Variants in FSD1L observed in about 807,000 individuals in gnomAD.
The protein encoded by FSD1L is FSD1-like protein.
FSD1L carries 45 observed loss-of-function variants against 71.6 expected under a neutral mutation model. The observed-to-expected ratio is 0.63, with a 90% CI of 0.49 to 0.81. FSD1L has a LOEUF of 0.81. Among genes scored for constraint, FSD1L ranks in the 30% least tolerant of loss-of-function variants. The pLI is 0.00. For missense variants in FSD1L, 561 were observed against 618.1 expected (o/e 0.91, Z 0.98); for synonymous variants, 197 against 207.2 (o/e 0.95, Z 0.42).
chr9:105,453,560 C>A (rs1179917399), intron 1 of FSD1L, among the ~76,000 whole-genome samples: 1 of 151,828 alleles, frequency 6.6e-6, no homozygotes, highest in Non-Finnish European at 1.5e-5. Context: ...TTTTTCAACT[C>A]TTTTGAGGGA....
intron 10 of FSD1L, among the ~76,000 whole-genome samples, chr9:105,529,325 A>ACT (rs1835741984): frequency 6.6e-6 from 1 of 152,210 alleles, no homozygotes; most frequent in African/African-American, 2.4e-5. Context: ...ACATGCACAC[A>ACT]TATGTTTATC....
At chr9:105,453,044 GTTTTTTTTT>G (rs774826229) in intron 1 of FSD1L, among the ~76,000 whole-genome samples, 2 of 88,240 alleles carry the variant, frequency 2.3e-5, no homozygotes, top group African/African-American at 9.9e-5. Flanking sequence ...ACCTAAAGTT[GTTTTTTTTT>G]TTTTTTTTTT....
Position 105,518,491 on chromosome 9 carries a change from C to T in FSD1L, c.1025+5555C>T, listed in dbSNP as rs575037407. ...AGACCACAGTGCAATCAAATTAGAA[C>T]TGAAGATTAAGAAACTCACTTAAAA... On this transcript the variant is annotated intron_variant, in intron 10 of 13. Coordinates refer to ENST00000481272, the MANE Select transcript of FSD1L (RefSeq NM_001145313.3). Among the ~76,000 whole-genome samples, 5 of 152,266 alleles carry T rather than the reference C, an allele frequency of 3.3e-5. No individual in the cohort carries two copies. In the South Asian group the frequency reaches 1.0e-3, roughly 32 times the overall value.
chr9:105,470,659 C>CGT, intron 4 of FSD1L, among the ~76,000 whole-genome samples: 1 of 152,146 alleles, frequency 6.6e-6, no homozygotes, highest in South Asian at 2.1e-4. Flanking sequence ...TTCTATCTTA[C>CGT]ATACACACCA....
intron 2 of FSD1L, 49 bp from the exon 3 acceptor site, chr9:105,464,187 G>T: frequency 1.0e-6 from 1 of 958,596 alleles, no homozygotes; most frequent in Non-Finnish European, 1.6e-6. Context: ...AATGAGTTTT[G>T]TAACTCTTCC....
At chr9:105,460,678 A>ATT (rs1830635717) in intron 1 of FSD1L, among the ~76,000 whole-genome samples, 1 of 151,656 alleles carries the variant, frequency 6.6e-6, no homozygotes, top group Non-Finnish European at 1.5e-5. Flanking sequence ...AATGGAAGGC[A>ATT]TTATTCTGAT....
chr9:105,477,999 C>T (rs1831921862), intron 5 of FSD1L, among the ~76,000 whole-genome samples: 1 of 152,168 alleles, frequency 6.6e-6, no homozygotes, highest in Non-Finnish European at 1.5e-5. Flanking sequence ...AATCCCAGCA[C>T]TTTGGGAGGC....
intron 7 of FSD1L, among the ~76,000 whole-genome samples, chr9:105,493,295 C>G (rs946949483): frequency 2.0e-5 from 3 of 152,070 alleles, no homozygotes; most frequent in Non-Finnish European, 2.9e-5. Flanking sequence ...GGTTTAAAGT[C>G]TGTTTTATCA....
chr9:105,544,668 A>G (rs1234190071), intron 13 of FSD1L, among the ~76,000 whole-genome samples: 3 of 152,096 alleles, frequency 2.0e-5, no homozygotes, highest in Non-Finnish European at 4.4e-5. Flanking sequence ...TCCCAGCACC[A>G]TTTGTTAAAT....
chr9:105,452,613 C>T (rs1174997394), intron 1 of FSD1L, among the ~76,000 whole-genome samples: 2 of 149,758 alleles, frequency 1.3e-5, no homozygotes, highest in Non-Finnish European at 3.0e-5. Flanking sequence ...TCCCTCCCTC[C>T]TGTGGGCGCT....
chr9:105,446,425 T>C (rs1222248632), upstream of FSD1L, among the ~76,000 whole-genome samples: 1 of 152,030 alleles, frequency 6.6e-6, no homozygotes, highest in Non-Finnish European at 1.5e-5. Flanking sequence ...AGTGCAGTGG[T>C]GTGATCTAGG....
At position 105,523,347 on chromosome 9, in the gene FSD1L, C is replaced by T. The variant is rs1190766696; in HGVS notation, c.1025+10411C>T. The T allele has an allele frequency of 8.8e-6, 14 of 1,598,810 alleles. No individual in the cohort carries two copies. In the East Asian group the frequency reaches 2.9e-4, roughly 33 times the overall value. ...GCTCCACCACGCTGTTCTTCAGACA[C>T]CAGATGATCTAGAAATTAGTGAATT... On this transcript the variant is annotated intron_variant, in intron 10 of 13. Transcript: ENST00000481272.
At chr9:105,446,604 C>G (rs971355001), upstream of FSD1L, among the ~76,000 whole-genome samples, 3 of 151,916 alleles carry the variant, frequency 2.0e-5, no homozygotes, top group Admixed American at 2.0e-4. Flanking sequence ...CTCCTGGACT[C>G]AAGTGATCCA....
At chr9:105,528,631 C>T (rs1434753399) in intron 10 of FSD1L, among the ~76,000 whole-genome samples, 1 of 152,122 alleles carries the variant, frequency 6.6e-6, no homozygotes. Context: ...AAAATCAACT[C>T]AAGATGGATT....
At chr9:105,517,914 C>A (rs554857692) in intron 10 of FSD1L, among the ~76,000 whole-genome samples, 3 of 152,070 alleles carry the variant, frequency 2.0e-5, no homozygotes, top group Admixed American at 6.5e-5. Flanking sequence ...TTCAGGAGAC[C>A]CATCTCACAT....
rs1331105357 is a variant in FSD1L, at chr9:105,547,793, G to A, written c.*1310G>A. 1 of 151,886 alleles carries A rather than the reference G, an allele frequency of 6.6e-6. No homozygotes were observed. Among genetic ancestry groups the A allele is most frequent in the Non-Finnish European group, 1.5e-5 (1 of 67,906 alleles). The allele number at this position is 151,886 out of a possible 1,614,324, so 9.4% of individuals were successfully genotyped here. On this transcript the variant is annotated 3_prime_UTR_variant, in exon 14 of 14. Coordinates refer to ENST00000481272, the MANE Select transcript of FSD1L (RefSeq NM_001145313.3). ...AAATTACAGTATTTAATAATTCTTT[G>A]GGCATTTTTAAGAGGTCTGAATTTG...
chr9:105,454,481 T>G (rs905647243), intron 1 of FSD1L, among the ~76,000 whole-genome samples: 1 of 152,238 alleles, frequency 6.6e-6, no homozygotes, highest in Non-Finnish European at 1.5e-5. Flanking sequence ...ACTGAGTCAA[T>G]GTATATCTAT....
intron 7 of FSD1L, among the ~76,000 whole-genome samples, chr9:105,500,973 A>G (rs1462017068): frequency 2.0e-5 from 3 of 152,214 alleles, no homozygotes; most frequent in African/African-American, 7.2e-5. Context: ...TCTTCCCATC[A>G]CTAAAATAAT....
chr9:105,499,958 A>G (rs970234262), intron 7 of FSD1L, among the ~76,000 whole-genome samples: 4 of 152,170 alleles, frequency 2.6e-5, no homozygotes, highest in African/African-American at 7.2e-5. Flanking sequence ...CCAGTCAGCT[A>G]TTAAGTCCAT....
Sources: gnomAD v4.1 joint callset for allele counts (sites outside exome capture counted in the v4.1 genomes callset) on GRCh38, gnomAD v4.1.1 for gene constraint, MANE v1.5 for transcripts, NCBI Gene and HGNC (gene_info 2026-07-23, HGNC 2026-07-21) for gene names.